LRP1B: variants seen among roughly 807,000 people sequenced by gnomAD.
LRP1B encodes the protein LDL receptor related protein 1B.
Under a neutral mutation model 556.6 loss-of-function variants are expected in LRP1B, and 217 were observed. That is an observed-to-expected ratio of 0.39 (90% confidence interval 0.35 to 0.44). LRP1B has a LOEUF of 0.44. Ranked by LOEUF, LRP1B falls within the 20% of genes least tolerant of loss-of-function variation. LRP1B has a pLI of 1.00. For missense variants in LRP1B, 5,053 were observed against 5,620.8 expected (o/e 0.90, Z 3.23); for synonymous variants, 2,047 against 1,865.8 (o/e 1.10, Z -2.50).
chr2:141,689,548 TATATTG>T (rs2105443058), intron 2 of LRP1B, among the ~76,000 whole-genome samples: 1 of 115,166 alleles, frequency 8.7e-6, no homozygotes, highest in Non-Finnish European at 2.1e-5. Flanking sequence ...TGCTTTATTG[TATATTG>T]TATATATAAG....
At chr2:141,352,217 T>G (rs972213521) in intron 3 of LRP1B, among the ~76,000 whole-genome samples, 1 of 151,888 alleles carries the variant, frequency 6.6e-6, no homozygotes, top group African/African-American at 2.4e-5. Flanking sequence ...ATTAGTTTTC[T>G]TTTTCAGTTT....
At chr2:142,080,590 C>A (rs943514242) in intron 1 of LRP1B, among the ~76,000 whole-genome samples, 10 of 147,408 alleles carry the variant, frequency 6.8e-5, no homozygotes, top group Admixed American at 2.7e-4. Flanking sequence ...AATAATTCAG[C>A]CCAATGTAAT....
intron 1 of LRP1B, among the ~76,000 whole-genome samples, chr2:141,950,877 A>T (rs186325113): frequency 3.9e-5 from 6 of 152,294 alleles, no homozygotes; most frequent in African/African-American, 1.4e-4. Flanking sequence ...TGTATGCCTA[A>T]ATCTTTGATA....
intron 87 of LRP1B, among the ~76,000 whole-genome samples, chr2:140,239,846 A>G (rs1318294513): frequency 6.6e-6 from 1 of 150,954 alleles, no homozygotes; most frequent in African/African-American, 2.4e-5. Flanking sequence ...CAATGATGCA[A>G]GTACCTGCTA....
chr2:141,711,530 C>T (rs953833173), intron 2 of LRP1B, among the ~76,000 whole-genome samples: 2 of 152,184 alleles, frequency 1.3e-5, no homozygotes, highest in Non-Finnish European at 2.9e-5. Context: ...GTAGCTGCCT[C>T]AGCAAATGAC....
At chr2:141,259,186 TAAAAA>T (rs1043785414) in intron 3 of LRP1B, among the ~76,000 whole-genome samples, 2 of 152,174 alleles carry the variant, frequency 1.3e-5, no homozygotes, top group Non-Finnish European at 2.9e-5. Context: ...TCTAAAAGGA[TAAAAA>T]TTAATTCAGA....
intron 1 of LRP1B, among the ~76,000 whole-genome samples, chr2:141,946,288 C>T (rs554963865): frequency 6.6e-6 from 1 of 152,250 alleles, no homozygotes; most frequent in East Asian, 1.9e-4. Context: ...CTGTTATCTG[C>T]TTCTGCAGGA....
chr2:142,067,144 T>C (rs1369999188), intron 1 of LRP1B, among the ~76,000 whole-genome samples: 1 of 151,496 alleles, frequency 6.6e-6, no homozygotes, highest in African/African-American at 2.4e-5. Flanking sequence ...ACCTTTCACT[T>C]ACACTTTAAA....
rs189785651 is a variant in LRP1B at position 140,494,593 on chromosome 2, C to T, written c.9034+972G>A. On this transcript the variant is annotated intron_variant, in intron 56 of 90. Transcript: ENST00000389484. ...CTGCACTCCAGCCTGGGTGACAGAG[C>T]GAGACTCCGTCTCAAAAAAAAAAAA... Among the ~76,000 whole-genome samples, 874 of 125,578 alleles carry T rather than the reference C, an allele frequency of 7.0e-3. 4 individuals are homozygous for T. Among genetic ancestry groups the T allele is most frequent in the Middle Eastern group, 0.017 (3 of 178 alleles). 82.4% of individuals were successfully genotyped at this position (125,578 alleles called of 152,430 possible).
At chr2:141,504,498 T>C (rs1271307410) in intron 2 of LRP1B, among the ~76,000 whole-genome samples, 1 of 152,122 alleles carries the variant, frequency 6.6e-6, no homozygotes, top group Admixed American at 6.6e-5. Flanking sequence ...TAAGTGATAG[T>C]TTGAAAATGG....
intron 3 of LRP1B, among the ~76,000 whole-genome samples, chr2:141,319,031 T>C (rs76122439): frequency 2.0e-5 from 3 of 151,928 alleles, no homozygotes; most frequent in African/African-American, 7.3e-5. Flanking sequence ...CCACAACAAG[T>C]CTTCCAATTG....
intron 35 of LRP1B, among the ~76,000 whole-genome samples, chr2:140,748,827 TC>T (rs1559094799): frequency 5.0e-5 from 4 of 80,022 alleles, no homozygotes; most frequent in African/African-American, 2.0e-4. Flanking sequence ...ATAATATATA[TC>T]ATATATTATA....
chr2:141,549,292 A>C (rs900135282), intron 2 of LRP1B, among the ~76,000 whole-genome samples: 1 of 152,180 alleles, frequency 6.6e-6, no homozygotes, highest in African/African-American at 2.4e-5. Context: ...AAGACATTGC[A>C]CATAAGGCCT....
chr2:140,566,983 C>A (rs1199021281), intron 43 of LRP1B, among the ~76,000 whole-genome samples: 1 of 152,116 alleles, frequency 6.6e-6, no homozygotes, highest in Non-Finnish European at 1.5e-5. Flanking sequence ...GCTGAAGTGA[C>A]ACATTGCAAC....
chr2:140,443,558 A>G (rs943420564), intron 65 of LRP1B, among the ~76,000 whole-genome samples: 3 of 152,344 alleles, frequency 2.0e-5, no homozygotes, highest in Middle Eastern at 3.4e-3. Flanking sequence ...GAGGGATACA[A>G]TAAAACTCAG....
chr2:141,860,352 T>C (rs1007989037), intron 1 of LRP1B, among the ~76,000 whole-genome samples: 3 of 152,196 alleles, frequency 2.0e-5, no homozygotes, highest in Non-Finnish European at 4.4e-5. Context: ...TATATAATCC[T>C]ACCATATTGA....
chr2:140,654,811 C>T (rs1159453933), intron 41 of LRP1B, among the ~76,000 whole-genome samples: 2 of 152,158 alleles, frequency 1.3e-5, no homozygotes, highest in Non-Finnish European at 2.9e-5. Context: ...CAAAGGGTCT[C>T]TTACTATCCT....
At chr2:141,291,320 T>C (rs1466380258) in intron 3 of LRP1B, among the ~76,000 whole-genome samples, 1 of 152,202 alleles carries the variant, frequency 6.6e-6, no homozygotes, top group South Asian at 2.1e-4. Context: ...TTTATCTTTA[T>C]AAAAATCCTT....
chr2:141,125,018 T>C (rs1701166134), intron 7 of LRP1B, among the ~76,000 whole-genome samples: 1 of 152,090 alleles, frequency 6.6e-6, no homozygotes, highest in South Asian at 2.1e-4. Flanking sequence ...CTAGGTGCTT[T>C]AGAAAATAAT....
Sources: allele counts gnomAD v4.1 joint callset (sites outside exome capture counted in the v4.1 genomes callset), GRCh38; gene constraint gnomAD v4.1.1; transcripts MANE v1.5; gene names NCBI Gene and HGNC (gene_info 2026-07-23, HGNC 2026-07-21).